ZSWIM6: variants seen among roughly 807,000 people sequenced by gnomAD.
The protein encoded by ZSWIM6 is zinc finger SWIM domain-containing protein 6.
ZSWIM6 carries 9 observed loss-of-function variants against 113.2 expected under a neutral mutation model. The ratio of observed to expected loss-of-function variants is 0.08; its 90% CI spans 0.05 to 0.14. The LOEUF (loss-of-function observed/expected upper bound fraction) is 0.14. ZSWIM6 is among the 10% of genes least tolerant of loss of function. The pLI, the probability that ZSWIM6 is intolerant of heterozygous loss-of-function variation, is 1.00. For synonymous variants in ZSWIM6, 611 were observed against 606.5 expected, an observed-to-expected ratio of 1.01 and a Z score of -0.11; for missense variants, 1,162 against 1,552.2, an observed-to-expected ratio of 0.75 and a Z score of 4.22.
intron 4 of ZSWIM6, among the ~76,000 whole-genome samples, chr5:61,514,145 C>T (rs1748869801): frequency 6.6e-6 from 1 of 152,038 alleles, no homozygotes. Flanking sequence ...AGAGACTGCA[C>T]ATGTTTTCTT....
intron 8 of ZSWIM6, among the ~76,000 whole-genome samples, chr5:61,530,691 C>T (rs1749407168): frequency 1.3e-5 from 2 of 152,164 alleles, no homozygotes; most frequent in Admixed American, 1.3e-4. Flanking sequence ...TGAGATTTCA[C>T]TTTGGCCCAT....
intron 1 of ZSWIM6, among the ~76,000 whole-genome samples, chr5:61,438,314 G>A (rs555359185): frequency 2.0e-5 from 3 of 152,312 alleles, no homozygotes; most frequent in Admixed American, 2.0e-4. Context: ...ACTAGCAGCT[G>A]TTGAAAATTT....
At chr5:61,471,230 C>T (rs961860857) in intron 1 of ZSWIM6, among the ~76,000 whole-genome samples, 17 of 152,286 alleles carry the variant, frequency 1.1e-4, no homozygotes, top group African/African-American at 3.9e-4. Context: ...CAGTCTGAGT[C>T]GTGGAGGTTC....
intron 4 of ZSWIM6, among the ~76,000 whole-genome samples, chr5:61,517,223 T>G (rs940134767): frequency 2.6e-5 from 4 of 152,118 alleles, no homozygotes; most frequent in African/African-American, 9.7e-5. Flanking sequence ...TTCTTCCAAT[T>G]TTTTCTTCTC....
chr5:61,490,161 C>T (rs991646927), intron 2 of ZSWIM6, among the ~76,000 whole-genome samples: 1 of 151,998 alleles, frequency 6.6e-6, no homozygotes, highest in Non-Finnish European at 1.5e-5. Context: ...GGGCTTATTA[C>T]TTAGCTGCTA....
At chr5:61,513,631 C>T (rs1306669728) in intron 4 of ZSWIM6, among the ~76,000 whole-genome samples, 1 of 151,916 alleles carries the variant, frequency 6.6e-6, no homozygotes, top group Non-Finnish European at 1.5e-5. Context: ...GGTTCATGAT[C>T]CACTTTGAGT....
chr5:61,532,544 G>A (rs1416547616), intron 9 of ZSWIM6, among the ~76,000 whole-genome samples: 1 of 152,140 alleles, frequency 6.6e-6, no homozygotes, highest in African/African-American at 2.4e-5. Flanking sequence ...TTCATCTTAT[G>A]TTCAGAACTA....
chr5:61,421,346 G>A (rs534068425), intron 1 of ZSWIM6, among the ~76,000 whole-genome samples: 1 of 152,286 alleles, frequency 6.6e-6, no homozygotes, highest in Non-Finnish European at 1.5e-5. Flanking sequence ...CCACAAATAA[G>A]TGAGAACATG....
chr5:61,525,928 G>A lies in ZSWIM6; in HGVS notation c.1642G>A (p.Asp548Asn), dbSNP rs993411395. The A allele has an allele frequency of 1.2e-5, 18 of 1,552,014 alleles. No individual in the cohort carries two copies. Among genetic ancestry groups the A allele is most frequent in the Admixed American group, 2.0e-5 (1 of 50,996 alleles). Reference sequence around the variant, plus strand: ...ATACACCAACTACTGTTACCATGACGACACTGAAAACTCCCTCTTCGACTC... The same window carrying A: ...ATACACCAACTACTGTTACCATGACAACACTGAAAACTCCCTCTTCGACTC... ...DLYTNYCYHD[D>N]TENSLFDSRG... is the part of the protein sequence containing the mutation. The change falls in exon 6 of 14, where the codon GAC (aspartate) becomes AAC (asparagine). Residue 548 changes from aspartate to asparagine, a missense_variant. Asp to Asn is a conservative substitution (Grantham distance 23). Around this residue, in one of 4 missense-constraint regions of ZSWIM6, gnomAD observed 620 missense variants for 804.6 expected, o/e 0.77. Transcript: ENST00000252744.
chr5:61,529,382 C>T (rs933838379), intron 7 of ZSWIM6, among the ~76,000 whole-genome samples: 19 of 152,172 alleles, frequency 1.2e-4, no homozygotes, highest in Non-Finnish European at 2.8e-4. Context: ...AGGATTATTT[C>T]GTTCAAATTA....
intron 1 of ZSWIM6, among the ~76,000 whole-genome samples, chr5:61,455,012 A>G (rs1211402898): frequency 1.3e-5 from 2 of 150,812 alleles, no homozygotes; most frequent in Non-Finnish European, 2.9e-5. Context: ...TTTCTTGGGG[A>G]GTAGTATTGA....
At chr5:61,375,754 C>G in intron 1 of ZSWIM6, 1 of 1,526,920 alleles carries the variant, frequency 6.5e-7, no homozygotes. Flanking sequence ...CAGTGAAGAA[C>G]GAGAAAAAGC....
chr5:61,476,506 A>C (rs563864376), intron 2 of ZSWIM6, among the ~76,000 whole-genome samples: 123 of 152,314 alleles, frequency 8.1e-4, no homozygotes, highest in South Asian at 1.7e-3. Context: ...TTAGATTATA[A>C]AATTAACCAC....
At chr5:61,363,149 C>G (rs1745067674) in intron 1 of ZSWIM6, among the ~76,000 whole-genome samples, 1 of 152,192 alleles carries the variant, frequency 6.6e-6, no homozygotes, top group Admixed American at 6.5e-5. Context: ...TTCCCCACCC[C>G]ACAGGGGGCA....
intron 4 of ZSWIM6, among the ~76,000 whole-genome samples, chr5:61,508,961 A>G (rs1278668380): frequency 6.6e-6 from 1 of 152,172 alleles, no homozygotes; most frequent in Non-Finnish European, 1.5e-5. Flanking sequence ...TTAAGTCACT[A>G]AGTTTTAGAG....
chr5:61,416,436 C>T (rs549891097), intron 1 of ZSWIM6, among the ~76,000 whole-genome samples: 1 of 152,324 alleles, frequency 6.6e-6, no homozygotes, highest in East Asian at 1.9e-4. Context: ...TTTTGATCTT[C>T]CTCCTAGCTG....
At chr5:61,454,905 A>T (rs1454937064) in intron 1 of ZSWIM6, among the ~76,000 whole-genome samples, 4 of 138,948 alleles carry the variant, frequency 2.9e-5, no homozygotes, top group Non-Finnish European at 1.6e-5. Context: ...TTTTTTTTGC[A>T]CCTCCTTTCT....
rs1346946485 is a variant in ZSWIM6, at chr5:61,544,105, A to G, written c.3436A>G (p.Ile1146Val). 2 of 1,551,868 alleles carry G rather than the reference A, an allele frequency of 1.3e-6. No individual in the cohort carries two copies. The highest frequency in any genetic ancestry group is 1.7e-6 in the Non-Finnish European group (2 of 1,147,024). ...CTTGAGGCAACTCTTGGATGCCACG[A>G]TCGGGGCCTACATCAACACAACGCA... Reference protein sequence around the residue: ...APLRQLLDATIGAYINTTHSR... With the variant: ...APLRQLLDATVGAYINTTHSR... Residue 1146 changes from isoleucine (I) to valine (V), a missense_variant, in exon 14 of 14, where the codon ATC becomes GTC. Around this residue, in one of 4 missense-constraint regions of ZSWIM6, gnomAD observed 113 missense variants for 213.8 expected, o/e 0.53. Coordinates refer to ENST00000252744, the MANE Select transcript of ZSWIM6 (RefSeq NM_020928.2).
chr5:61,506,937 C>T (rs1343459780), intron 4 of ZSWIM6, among the ~76,000 whole-genome samples: 1 of 152,174 alleles, frequency 6.6e-6, no homozygotes, highest in East Asian at 1.9e-4. Context: ...CCTGCCATTA[C>T]TTCATAATGA....
Sources: allele counts gnomAD v4.1 joint callset (sites outside exome capture counted in the v4.1 genomes callset), GRCh38; gene constraint gnomAD v4.1.1; regional missense constraint gnomAD v4.1.1; transcripts MANE v1.5; gene names NCBI Gene and HGNC (gene_info 2026-07-23, HGNC 2026-07-21).